The following AMPH variants were observed in gnomAD, a reference collection of about 807,000 sequenced individuals.
AMPH encodes amphiphysin (Stiff-Mann syndrome with breast cancer 128kD autoantigen).
In AMPH, 49 loss-of-function variants were observed where a neutral mutation model predicts 99.1. The ratio of observed to expected loss-of-function variants is 0.49; its 90% confidence interval spans 0.39 to 0.63. AMPH has a LOEUF of 0.63. AMPH is among the 20% of genes least tolerant of loss of function. AMPH has a pLI of 0.00. For synonymous variants in AMPH, 314 were observed against 317.3 expected (o/e 0.99, Z 0.11); for missense variants, 759 against 863.4 (o/e 0.88, Z 1.52).
At chr7:38,604,011 A>G (rs1793345748) in intron 1 of AMPH, among the ~76,000 whole-genome samples, 1 of 152,246 alleles carries the variant, frequency 6.6e-6, no homozygotes, top group Non-Finnish European at 1.5e-5. Flanking sequence ...CATGTCAGAA[A>G]TAATTACAGT....
chr7:38,409,626 C>T (rs898537527), intron 17 of AMPH, among the ~76,000 whole-genome samples: 1 of 152,264 alleles, frequency 6.6e-6, no homozygotes, highest in African/African-American at 2.4e-5. Flanking sequence ...CCCCTCACAA[C>T]CTTCAGCTCA....
intron 17 of AMPH, among the ~76,000 whole-genome samples, chr7:38,411,369 C>A (rs912418257): frequency 7.2e-5 from 11 of 152,130 alleles, no homozygotes; most frequent in African/African-American, 2.7e-4. Context: ...GCTTGAGCAC[C>A]GATGCTGGAA....
At chr7:38,554,902 C>A (rs1182815663) in intron 1 of AMPH, among the ~76,000 whole-genome samples, 1 of 152,184 alleles carries the variant, frequency 6.6e-6, no homozygotes, top group Non-Finnish European at 1.5e-5. Context: ...CCAACCTTAA[C>A]CTGCATAAGG....
rs953434990 is a variant in AMPH, at chr7:38,386,355, A to G, written c.1981-1430T>C. On this transcript the variant is annotated intron_variant, in intron 20 of 20. Transcript: ENST00000356264. ...TGACTTTATTTACAGTAGGTGAAAA[A>G]TCTAATGGAGCCAAGTAGAGTTAAG... Among the ~76,000 whole-genome samples, 5 of 152,182 alleles carry G rather than the reference A, an allele frequency of 3.3e-5. 1 individual carries two copies. Among genetic ancestry groups the G allele is most frequent in the African/African-American group, 1.2e-4 (5 of 41,444 alleles).
chr7:38,412,457 C>G (rs1243902160), intron 17 of AMPH, among the ~76,000 whole-genome samples: 2 of 152,178 alleles, frequency 1.3e-5, no homozygotes, highest in African/African-American at 2.4e-5. Context: ...CTCCAGAAGG[C>G]AGGGAAGATG....
intron 1 of AMPH, among the ~76,000 whole-genome samples, chr7:38,587,242 C>G (rs777854718): frequency 2.0e-5 from 3 of 152,208 alleles, no homozygotes; most frequent in Non-Finnish European, 4.4e-5. Context: ...TACTTCAAAG[C>G]ACCTTTAATA....
intron 1 of AMPH, among the ~76,000 whole-genome samples, chr7:38,604,336 G>C (rs1464766175): frequency 1.3e-5 from 2 of 152,202 alleles, no homozygotes; most frequent in East Asian, 3.8e-4. Flanking sequence ...ATTGCAACAA[G>C]AGCAAAGGAC....
At chr7:38,462,032 A>G (rs1044440968) in intron 10 of AMPH, among the ~76,000 whole-genome samples, 1 of 152,218 alleles carries the variant, frequency 6.6e-6, no homozygotes, top group Non-Finnish European at 1.5e-5. Context: ...ACACTCTCTC[A>G]TGAGGCGGGG....
intron 1 of AMPH, among the ~76,000 whole-genome samples, chr7:38,617,471 G>A (rs1311098139): frequency 1.3e-5 from 2 of 152,224 alleles, no homozygotes; most frequent in African/African-American, 4.8e-5. Flanking sequence ...ACCTGGAGTG[G>A]CAGAAGGCGT....
rs74849440 is a variant in AMPH, at chr7:38,500,371, G to C, written c.205+3279C>G. ...CATAGTCAATCAGCAAACCCAAGAT[G>C]GGGAAAAGCTGATAGAATTCCTTTC... is the stretch of plus-strand genomic sequence containing the variant. On this transcript the variant is annotated intron_variant, in intron 3 of 20. Coordinates refer to ENST00000356264, the MANE Select transcript of AMPH (RefSeq NM_001635.4). Among the ~76,000 whole-genome samples the C allele has an allele frequency of 2.6e-4, 40 of 152,274 alleles. No homozygotes were observed. The East Asian group carries it at 6.6e-3, about 25-fold the overall frequency.
Position 38,517,521 on chromosome 7 carries a change from G to A in AMPH, c.151-13817C>T, listed in dbSNP as rs554700593. Among the ~76,000 whole-genome samples the A allele has an allele frequency of 9.7e-4, 147 of 152,270 alleles. 3 individuals are homozygous for A. In the South Asian group the frequency reaches 0.03, roughly 31 times the overall value. On this transcript the variant is annotated intron_variant, in intron 2 of 20. Transcript: ENST00000356264. ...CTTCCTGTTCAGCCTGAGGAATCATGAGCCAATTAAACCTCATTTCTTTAT... is the reference window on the plus strand; with the variant it reads ...CTTCCTGTTCAGCCTGAGGAATCATAAGCCAATTAAACCTCATTTCTTTAT...
chr7:38,591,838 A>G (rs1031561376), intron 1 of AMPH, among the ~76,000 whole-genome samples: 2 of 152,154 alleles, frequency 1.3e-5, no homozygotes, highest in African/African-American at 2.4e-5. Flanking sequence ...AGCCATTCAC[A>G]TTTCTCTGAT....
chr7:38,599,939 T>C (rs1793189055), intron 1 of AMPH, among the ~76,000 whole-genome samples: 1 of 152,072 alleles, frequency 6.6e-6, no homozygotes, highest in African/African-American at 2.4e-5. Context: ...AGCACTGTGA[T>C]ATAAAATATC....
chr7:38,622,929 G>GCACC (rs1794122751), intron 1 of AMPH, among the ~76,000 whole-genome samples: 1 of 152,152 alleles, frequency 6.6e-6, no homozygotes, highest in Admixed American at 6.5e-5. Flanking sequence ...ACTGGTGAGG[G>GCACC]CACCGTACTG....
At chr7:38,617,573 C>T (rs1485051251) in intron 1 of AMPH, among the ~76,000 whole-genome samples, 2 of 152,184 alleles carry the variant, frequency 1.3e-5, no homozygotes, top group African/African-American at 2.4e-5. Context: ...AGGACCATAA[C>T]CAAACCAAGA....
chr7:38,553,432 G>A (rs561193629), intron 1 of AMPH, among the ~76,000 whole-genome samples: 5 of 152,362 alleles, frequency 3.3e-5, no homozygotes, highest in African/African-American at 1.2e-4. Flanking sequence ...GGGGGCTGCA[G>A]ACAACCATTT....
chr7:38,494,415 A>C lies in AMPH; in HGVS notation c.300+18T>G. The C allele has an allele frequency of 6.2e-7, 1 of 1,611,534 alleles. No individual in the cohort carries two copies. The highest frequency in any genetic ancestry group is 2.2e-5 in the East Asian group (1 of 44,806). On this transcript the variant is annotated intron_variant, in intron 4 of 20. Transcript: ENST00000356264. ...GCAAGGGTCGTGGGAGCCTCATGGA[A>C]GCCACCCCAGCTCTTACCTCACCAA... is the stretch of plus-strand genomic sequence containing the variant.
rs73358609 is a variant in AMPH, at chr7:38,494,542, A to G, written c.206-15T>C. On this transcript the variant is annotated splice_polypyrimidine_tract_variant and intron_variant, in intron 3 of 20. Transcript: ENST00000356264. ...CTCCTGCATGCCTAGTGTTGGAGAGAAACAACTCCCGTTACACAGAAATGA... is the reference window on the plus strand; with the variant it reads ...CTCCTGCATGCCTAGTGTTGGAGAGGAACAACTCCCGTTACACAGAAATGA... 1.1e-3 allele frequency: 1,846 copies of G among 1,607,924 alleles called. 21 individuals are homozygous for G. The African/African-American group carries it at 0.022, about 19-fold the overall frequency.
intron 17 of AMPH, among the ~76,000 whole-genome samples, chr7:38,411,611 A>G (rs1785218618): frequency 6.6e-6 from 1 of 152,182 alleles, no homozygotes; most frequent in Admixed American, 6.5e-5. Flanking sequence ...CCATGGACTA[A>G]ACAAATCCCA....
Sources: gnomAD v4.1 joint callset for allele counts (sites outside exome capture counted in the v4.1 genomes callset) on GRCh38, gnomAD v4.1.1 for gene constraint, MANE v1.5 for transcripts, NCBI Gene and HGNC (gene_info 2026-07-23, HGNC 2026-07-21) for gene names.